MORC1: variants seen among roughly 807,000 people sequenced by gnomAD.
The protein encoded by MORC1 is MORC family CW-type zinc finger 1.
A neutral mutation model predicts 134.9 loss-of-function variants in MORC1; 59 were observed. That is an observed-to-expected ratio of 0.44 (90% CI 0.35 to 0.54). The LOEUF (loss-of-function observed/expected upper bound fraction) is 0.54. MORC1 is among the 20% of genes least tolerant of loss of function. The pLI is 0.00. For synonymous variants in MORC1, 395 were observed against 391.7 expected (o/e 1.01, Z -0.10); for missense variants, 947 against 1,134.5 (o/e 0.83, Z 2.37).
chr3:109,023,957 G>A (rs1008080814), intron 17 of MORC1, among the ~76,000 whole-genome samples: 1 of 152,150 alleles, frequency 6.6e-6, no homozygotes, highest in African/African-American at 2.4e-5. Context: ...CTATTCAAAA[G>A]GATAAAGATG....
intron 8 of MORC1, among the ~76,000 whole-genome samples, chr3:109,075,602 TG>T (rs1302798301): frequency 6.6e-6 from 1 of 152,186 alleles, no homozygotes; most frequent in South Asian, 2.1e-4. Flanking sequence ...AAAGATCAGA[TG>T]GTTGTAGATG....
chr3:109,021,610 A>C (rs1329098903), intron 17 of MORC1, among the ~76,000 whole-genome samples: 1 of 152,202 alleles, frequency 6.6e-6, no homozygotes, highest in Non-Finnish European at 1.5e-5. Context: ...CCATGGCAAA[A>C]TAAAGTTGCT....
rs11433147 is a variant in MORC1, at chr3:108,986,868, A to ATT, written c.2257+10_2257+11dup. 7.7e-4 allele frequency: 1,046 copies of ATT among 1,359,346 alleles called. No individual in the cohort carries two copies. The highest frequency in any genetic ancestry group is 9.4e-4 in the Admixed American group (41 of 43,636). 84.2% of individuals were successfully genotyped at this position (1,359,346 alleles called of 1,614,324 possible). A position where few individuals can be genotyped will look rare whatever the true frequency, so the allele number is the denominator to read the frequency against. ...CTAATATATATATATACATGAGCTG[A>ATT]TTTTTTTTTACCTTGGTTTAAAAGA... On this transcript the variant is annotated intron_variant, in intron 22 of 27. Transcript: ENST00000232603.
At chr3:109,106,727 G>C (rs1951047584) in intron 3 of MORC1, among the ~76,000 whole-genome samples, 1 of 151,996 alleles carries the variant, frequency 6.6e-6, no homozygotes, top group Non-Finnish European at 1.5e-5. Context: ...ACTCCCATTT[G>C]ACCACTTTCT....
intron 17 of MORC1, among the ~76,000 whole-genome samples, chr3:109,011,161 G>A (rs972740053): frequency 2.0e-5 from 3 of 152,190 alleles, no homozygotes; most frequent in Admixed American, 6.5e-5. Flanking sequence ...ACTGCTGTGA[G>A]CTATAATTGT....
chr3:109,075,176 A>G (rs1950394863), intron 8 of MORC1, among the ~76,000 whole-genome samples: 1 of 152,210 alleles, frequency 6.6e-6, no homozygotes, highest in African/African-American at 2.4e-5. Context: ...GTCTCTGCTG[A>G]TAGATCATGC....
At position 108,963,621 on chromosome 3, in the gene MORC1, T is replaced by A; in HGVS notation, c.2605-13A>T. ...AAGTATTCTGTATCTGGGAATGTTT[T>A]AAAAACAGTTTTAGCATGTTTTTAA... On this transcript the variant is annotated splice_polypyrimidine_tract_variant and intron_variant, in intron 26 of 27. Transcript: ENST00000232603. 1 of 1,487,446 alleles carries A rather than the reference T, an allele frequency of 6.7e-7. No individual in the cohort carries two copies. Among genetic ancestry groups the A allele is most frequent in the Non-Finnish European group, 9.1e-7 (1 of 1,104,890 alleles). 92.1% of individuals were successfully genotyped at this position (1,487,446 alleles called of 1,614,324 possible). A position where few individuals can be genotyped will look rare whatever the true frequency, so the allele number is the denominator to read the frequency against.
chr3:109,015,230 C>T (rs539289646), intron 17 of MORC1, among the ~76,000 whole-genome samples: 1 of 152,024 alleles, frequency 6.6e-6, no homozygotes, highest in South Asian at 2.1e-4. Flanking sequence ...ACAGACATAG[C>T]AATGACCTCC....
intron 3 of MORC1, among the ~76,000 whole-genome samples, chr3:109,108,205 T>A (rs577388295): frequency 6.6e-6 from 1 of 151,946 alleles, no homozygotes; most frequent in Non-Finnish European, 1.5e-5. Flanking sequence ...AAAGGAGAAG[T>A]GCCACTTTAA....
rs1465959000 is a variant in MORC1 at position 108,958,365 on chromosome 3, C to A, written c.*600G>T. 5 of 149,960 alleles carry A rather than the reference C, an allele frequency of 3.3e-5. No individual in the cohort carries two copies. Among genetic ancestry groups the A allele is most frequent in the African/African-American group, 1.2e-4 (5 of 40,860 alleles). 9.3% of individuals were successfully genotyped at this position (149,960 alleles called of 1,614,324 possible). A position where few individuals can be genotyped will look rare whatever the true frequency, so the allele number is the denominator to read the frequency against. Reference sequence around the variant, plus strand: ...TCTTTACGTATATGTAAATGTAAAACAACAATTTTTACATATGTGTAATAT... The same window carrying A: ...TCTTTACGTATATGTAAATGTAAAAAAACAATTTTTACATATGTGTAATAT... On this transcript the variant is annotated 3_prime_UTR_variant, in exon 28 of 28. Coordinates refer to ENST00000232603, the MANE Select transcript of MORC1 (RefSeq NM_014429.4).
chr3:109,107,158 TTC>T (rs1348857180), intron 3 of MORC1, among the ~76,000 whole-genome samples: 1 of 152,206 alleles, frequency 6.6e-6, no homozygotes, highest in African/African-American at 2.4e-5. Context: ...AATGTCTATT[TTC>T]TCTTTCAATT....
At chr3:109,091,474 TAAATAAAA>T (rs1167905322) in intron 8 of MORC1, among the ~76,000 whole-genome samples, 29 of 151,256 alleles carry the variant, frequency 1.9e-4, no homozygotes, top group African/African-American at 6.5e-4. Context: ...AATAAATAAA[TAAATAAAA>T]AGTATGTTCT....
intron 8 of MORC1, among the ~76,000 whole-genome samples, chr3:109,077,550 A>G (rs1323573142): frequency 6.6e-6 from 1 of 152,174 alleles, no homozygotes; most frequent in East Asian, 1.9e-4. Context: ...TGTAAAACTA[A>G]TCCACTGAAA....
chr3:109,010,017 T>C (rs1469584517), intron 17 of MORC1, among the ~76,000 whole-genome samples: 1 of 152,208 alleles, frequency 6.6e-6, no homozygotes, highest in East Asian at 1.9e-4. Flanking sequence ...TATTATTTTA[T>C]TTGCTTTTTA....
intron 26 of MORC1, among the ~76,000 whole-genome samples, chr3:108,969,413 G>C (rs1314581043): frequency 6.6e-6 from 1 of 152,140 alleles, no homozygotes; most frequent in African/African-American, 2.4e-5. Context: ...TAAAAGCTCA[G>C]AATGTCCTGT....
chr3:109,009,595 T>G (rs938418684), intron 17 of MORC1, among the ~76,000 whole-genome samples: 1 of 152,244 alleles, frequency 6.6e-6, no homozygotes, highest in Non-Finnish European at 1.5e-5. Context: ...TTCCTTTCCA[T>G]GAGGATCTTA....
chr3:109,016,583 C>G lies in MORC1; in HGVS notation c.1705-9492G>C, dbSNP rs537842356. ...CTCTCTACATGAAAAAGGTCCCAGG[C>G]CGGGCGCAGTGGCTCATGCCTGTAA... On this transcript the variant is annotated intron_variant, in intron 17 of 27. Coordinates refer to ENST00000232603, the MANE Select transcript of MORC1 (RefSeq NM_014429.4). Among the ~76,000 whole-genome samples, 136 of 152,328 alleles carry G rather than the reference C, an allele frequency of 8.9e-4. 1 individual carries two copies. Among genetic ancestry groups the G allele is most frequent in the African/African-American group, 3.0e-3 (126 of 41,580 alleles).
intron 9 of MORC1, among the ~76,000 whole-genome samples, chr3:109,065,272 G>C (rs1950171550): frequency 6.6e-6 from 1 of 151,120 alleles, no homozygotes; most frequent in Non-Finnish European, 1.5e-5. Flanking sequence ...ACTTCTTCTT[G>C]TCATGTTCCT....
intron 6 of MORC1, among the ~76,000 whole-genome samples, chr3:109,099,046 TAATC>T (rs943285578): frequency 6.6e-6 from 1 of 152,242 alleles, no homozygotes; most frequent in Non-Finnish European, 1.5e-5. Context: ...TTTAAAATGA[TAATC>T]AATTTATGGC....
Sources: gnomAD v4.1 joint callset for allele counts (sites outside exome capture counted in the v4.1 genomes callset) on GRCh38, gnomAD v4.1.1 for gene constraint, MANE v1.5 for transcripts, NCBI Gene and HGNC (gene_info 2026-07-23, HGNC 2026-07-21) for gene names.